The following NFIA variants were observed in gnomAD, a reference collection of about 807,000 sequenced individuals.
NFIA encodes nuclear factor I A.
Under a neutral mutation model 62.8 loss-of-function variants are expected in NFIA, and 8 were observed. The observed-to-expected ratio is 0.13, with a 90% CI of 0.07 to 0.23. The LOEUF is 0.23. NFIA is among the 10% of genes least tolerant of loss of function. The pLI is 1.00. For synonymous variants in NFIA, 235 were observed against 238.1 expected, an observed-to-expected ratio of 0.99 and a Z score of 0.12; for missense variants, 410 against 642.1, an observed-to-expected ratio of 0.64 and a Z score of 3.91.
intron 2 of NFIA, among the ~76,000 whole-genome samples, chr1:61,167,740 C>G (rs1271639502): frequency 6.6e-6 from 1 of 152,178 alleles, no homozygotes; most frequent in Non-Finnish European, 1.5e-5. Context: ...TGTTATTTCT[C>G]ATTAAAACAT....
upstream of NFIA, chr1:61,077,245 C>G: frequency 5.0e-6 from 1 of 198,994 alleles, no homozygotes. Context: ...GAGGGACTGC[C>G]GAATCGATTG....
At chr1:61,209,676 A>T (rs1653121030) in intron 2 of NFIA, among the ~76,000 whole-genome samples, 1 of 151,008 alleles carries the variant, frequency 6.6e-6, no homozygotes, top group Non-Finnish European at 1.5e-5. Flanking sequence ...ATACAACAAC[A>T]ACAACAACAA....
chr1:61,270,718 G>C (rs1402367094), intron 2 of NFIA, among the ~76,000 whole-genome samples: 1 of 152,090 alleles, frequency 6.6e-6, no homozygotes, highest in Non-Finnish European at 1.5e-5. Flanking sequence ...TGACTAAATG[G>C]GGAAATTAAG....
intron 7 of NFIA, among the ~76,000 whole-genome samples, chr1:61,392,019 CAAG>C: frequency 6.6e-6 from 1 of 152,048 alleles, no homozygotes; most frequent in East Asian, 1.9e-4. Context: ...TGCCTTTCTC[CAAG>C]AAGAATTGCC....
chr1:61,318,237 G>A (rs1660474727), intron 3 of NFIA, among the ~76,000 whole-genome samples: 1 of 152,060 alleles, frequency 6.6e-6, no homozygotes, highest in African/African-American at 2.4e-5. Context: ...TCAAAACTAA[G>A]TCTGGAGAAG....
intron 3 of NFIA, among the ~76,000 whole-genome samples, chr1:61,304,667 AT>A (rs55774470): frequency 0.68 from 102,910 of 151,310 alleles, 35,370 homozygotes; most frequent in East Asian, 0.9. Context: ...CTAAGATCTG[AT>A]TTTTTTTTTT....
chr1:61,412,945 G>A (rs920759918), intron 9 of NFIA, among the ~76,000 whole-genome samples: 2 of 151,974 alleles, frequency 1.3e-5, no homozygotes, highest in African/African-American at 4.8e-5. Context: ...TATAAAAATG[G>A]ACTTTTCCAG....
chr1:61,353,697 T>G (rs1352642792), intron 5 of NFIA, among the ~76,000 whole-genome samples: 1 of 152,176 alleles, frequency 6.6e-6, no homozygotes, highest in East Asian at 1.9e-4. Flanking sequence ...AAAGATCAAC[T>G]TAGTCATCCC....
chr1:61,349,020 T>C (rs1232570596), intron 4 of NFIA, among the ~76,000 whole-genome samples: 1 of 152,228 alleles, frequency 6.6e-6, no homozygotes, highest in African/African-American at 2.4e-5. Context: ...AAGTACCTAC[T>C]GTATGTCAGC....
chr1:61,205,038 A>G (rs745682810), intron 2 of NFIA, among the ~76,000 whole-genome samples: 3 of 152,194 alleles, frequency 2.0e-5, no homozygotes, highest in Non-Finnish European at 2.9e-5. Context: ...TTTAAAGCCC[A>G]TTGCCAATTA....
chr1:61,313,627 A>G (rs767427360), intron 3 of NFIA, among the ~76,000 whole-genome samples: 9 of 152,172 alleles, frequency 5.9e-5, no homozygotes, highest in Non-Finnish European at 1.2e-4. Flanking sequence ...ACTCTATCAG[A>G]CACTTTCCCT....
chr1:61,262,290 A>C (rs1441773840), intron 2 of NFIA, among the ~76,000 whole-genome samples: 2 of 152,178 alleles, frequency 1.3e-5, no homozygotes, highest in Non-Finnish European at 2.9e-5. Flanking sequence ...TTACAGCATG[A>C]CTTTGTTCAT....
intron 2 of NFIA, among the ~76,000 whole-genome samples, chr1:61,236,647 C>A (rs1655032628): frequency 6.6e-6 from 1 of 151,060 alleles, no homozygotes; most frequent in Non-Finnish European, 1.5e-5. Flanking sequence ...GAAAGGACTT[C>A]TTTCTTGTTT....
intron 2 of NFIA, among the ~76,000 whole-genome samples, chr1:61,126,290 C>T (rs1051695250): frequency 8.5e-5 from 13 of 152,084 alleles, no homozygotes; most frequent in Non-Finnish European, 1.6e-4. Flanking sequence ...AATCTGCCTC[C>T]CATTAACATC....
intron 7 of NFIA, 99 bp from the exon 8 acceptor site, chr1:61,404,005 T>A (rs1433405714): frequency 7.3e-7 from 1 of 1,374,744 alleles, no homozygotes; most frequent in African/African-American, 1.4e-5. Context: ...ATATTGTGAA[T>A]CGGGCCAGGA....
chr1:61,162,074 T>G (rs1649246433), intron 2 of NFIA, among the ~76,000 whole-genome samples: 1 of 152,244 alleles, frequency 6.6e-6, no homozygotes, highest in South Asian at 2.1e-4. Flanking sequence ...GAATGTTTCC[T>G]TCAGGACCAA....
rs142567849 is a variant in NFIA, at chr1:61,386,978, C to T, written c.1075+3613C>T. On this transcript the variant is annotated intron_variant, in intron 7 of 10. Coordinates refer to ENST00000403491, the MANE Select transcript of NFIA (RefSeq NM_001134673.4). ...CCTCACATGGCAGAAGGGGTGGGGTCGCTCTCTAGTGTCTCTTTCTTAAAA... is the reference window on the plus strand; with the variant it reads ...CCTCACATGGCAGAAGGGGTGGGGTTGCTCTCTAGTGTCTCTTTCTTAAAA... Among the ~76,000 whole-genome samples the T allele has an allele frequency of 4.5e-3, 686 of 152,228 alleles. 7 individuals are homozygous for T. Among genetic ancestry groups the T allele is most frequent in the African/African-American group, 0.016 (645 of 41,532 alleles).
intron 2 of NFIA, among the ~76,000 whole-genome samples, chr1:61,277,059 A>G (rs1476695292): frequency 6.6e-6 from 1 of 152,236 alleles, no homozygotes; most frequent in Admixed American, 6.5e-5. Flanking sequence ...ATGCAGAGCT[A>G]AATATCAACA....
chr1:61,258,817 T>C (rs1656583218), intron 2 of NFIA, among the ~76,000 whole-genome samples: 1 of 151,990 alleles, frequency 6.6e-6, no homozygotes, highest in South Asian at 2.1e-4. Context: ...CAGTCTCGAC[T>C]CCTGGGCTGA....
Sources: allele counts gnomAD v4.1 joint callset (sites outside exome capture counted in the v4.1 genomes callset), GRCh38; gene constraint gnomAD v4.1.1; transcripts MANE v1.5; gene names NCBI Gene and HGNC (gene_info 2026-07-23, HGNC 2026-07-21).